Variants in FRMD3 observed in about 807,000 individuals in gnomAD.
FRMD3 encodes FERM domain containing 3.
Under a neutral mutation model 70.2 loss-of-function variants are expected in FRMD3, and 33 were observed. That is an observed-to-expected ratio of 0.47 (90% CI 0.36 to 0.63). The LOEUF is 0.63. FRMD3 is among the 20% of genes least tolerant of loss of function. The pLI is 0.00. For missense variants in FRMD3, 632 were observed against 711.4 expected (o/e 0.89, Z 1.27); for synonymous variants, 279 against 255.9 (o/e 1.09, Z -0.86).
chr9:83,451,831 C>A (rs1340684651), intron 1 of FRMD3, among the ~76,000 whole-genome samples: 1 of 152,154 alleles, frequency 6.6e-6, no homozygotes, highest in Non-Finnish European at 1.5e-5. Flanking sequence ...TATTAATAAT[C>A]TAACAATTTA....
the FRMD3 span, among the ~76,000 whole-genome samples, chr9:83,549,316 G>A: frequency 3.2e-4 from 48 of 152,204 alleles, no homozygotes; most frequent in Non-Finnish European, 6.0e-4. Flanking sequence ...AATATTCCAT[G>A]GTGTGTATGT....
chr9:83,551,256 T>G, the FRMD3 span, among the ~76,000 whole-genome samples: 2 of 152,238 alleles, frequency 1.3e-5, no homozygotes, highest in African/African-American at 2.4e-5. Flanking sequence ...GCTTTAGTTC[T>G]GTTTATGTGA....
chr9:83,366,346 G>A (rs186018013), intron 3 of FRMD3, among the ~76,000 whole-genome samples: 1 of 152,230 alleles, frequency 6.6e-6, no homozygotes, highest in African/African-American at 2.4e-5. Flanking sequence ...TGAGGTGGGA[G>A]GATCACCTGA....
chr9:83,301,145 G>T (rs1564003574), intron 10 of FRMD3, among the ~76,000 whole-genome samples: 1 of 150,148 alleles, frequency 6.7e-6, no homozygotes, highest in Admixed American at 6.6e-5. Flanking sequence ...CCATGGCCCT[G>T]GGGGGGGCCC....
At chr9:83,579,123 G>T in the FRMD3 span, among the ~76,000 whole-genome samples, 1 of 151,744 alleles carries the variant, frequency 6.6e-6, no homozygotes, top group Non-Finnish European at 1.5e-5. Flanking sequence ...AAAGACCTCT[G>T]TACTGGAAAC....
chr9:83,368,826 G>A (rs1241243617), intron 3 of FRMD3, among the ~76,000 whole-genome samples: 1 of 152,028 alleles, frequency 6.6e-6, no homozygotes, highest in Non-Finnish European at 1.5e-5. Context: ...AATTTAAAAT[G>A]TATATATCTT....
chr9:83,272,446 C>T (rs1382287786), intron 13 of FRMD3, among the ~76,000 whole-genome samples: 1 of 151,928 alleles, frequency 6.6e-6, no homozygotes, highest in African/African-American at 2.4e-5. Flanking sequence ...GGCGTGATCC[C>T]CGCTCGCTAC....
chr9:83,243,406 T>C (rs1415341935), downstream of FRMD3, among the ~76,000 whole-genome samples: 2 of 152,206 alleles, frequency 1.3e-5, no homozygotes, highest in East Asian at 3.9e-4. Flanking sequence ...CCAGTACTTT[T>C]TCTCCAGGGT....
At chr9:83,404,902 G>A (rs545469790) in intron 1 of FRMD3, among the ~76,000 whole-genome samples, 2 of 152,056 alleles carry the variant, frequency 1.3e-5, no homozygotes, top group Non-Finnish European at 2.9e-5. Context: ...TCTTTTTCAC[G>A]GCACAGGACA....
intron 1 of FRMD3, among the ~76,000 whole-genome samples, chr9:83,453,222 C>T (rs1827719005): frequency 6.6e-6 from 1 of 152,084 alleles, no homozygotes; most frequent in African/African-American, 2.4e-5. Flanking sequence ...ATCAAAAGGG[C>T]TGAAACACTC....
chr9:83,360,917 T>C (rs568907429), intron 3 of FRMD3, among the ~76,000 whole-genome samples: 28 of 152,356 alleles, frequency 1.8e-4, no homozygotes, highest in African/African-American at 5.3e-4. Context: ...AAACCATTTA[T>C]AGGCTCAAAT....
At chr9:83,556,083 T>C in the FRMD3 span, among the ~76,000 whole-genome samples, 1 of 152,148 alleles carries the variant, frequency 6.6e-6, no homozygotes, top group Admixed American at 6.5e-5. Context: ...TACTTGCCCC[T>C]TCTGTTCCTT....
intron 13 of FRMD3, among the ~76,000 whole-genome samples, chr9:83,267,792 AGT>A (rs1450262414): frequency 6.6e-6 from 1 of 152,218 alleles, no homozygotes; most frequent in African/African-American, 2.4e-5. Flanking sequence ...CTTTGGAATT[AGT>A]GTGTGTTGCA....
intron 1 of FRMD3, among the ~76,000 whole-genome samples, chr9:83,501,228 A>G (rs189082540): frequency 3.9e-5 from 6 of 152,182 alleles, no homozygotes; most frequent in Admixed American, 2.6e-4. Flanking sequence ...CGGGAGGCGG[A>G]GCTTGCAGTG....
chr9:83,352,589 A>G (rs1824197031), intron 3 of FRMD3, among the ~76,000 whole-genome samples: 2 of 152,194 alleles, frequency 1.3e-5, no homozygotes, highest in South Asian at 4.1e-4. Context: ...TCTCCCACGT[A>G]CATGAAGAGT....
intron 10 of FRMD3, among the ~76,000 whole-genome samples, chr9:83,301,454 T>C (rs578197546): frequency 6.6e-6 from 1 of 152,100 alleles, no homozygotes; most frequent in South Asian, 2.1e-4. Flanking sequence ...AAGAAGCTTC[T>C]ATTTTTTATT....
At chr9:83,370,804 T>C (rs1395559274) in intron 3 of FRMD3, among the ~76,000 whole-genome samples, 2 of 152,120 alleles carry the variant, frequency 1.3e-5, no homozygotes, top group Non-Finnish European at 2.9e-5. Flanking sequence ...TCTAGCTATC[T>C]GGGAGGCTGA....
intron 1 of FRMD3, among the ~76,000 whole-genome samples, chr9:83,440,404 G>A (rs1411591727): frequency 6.6e-6 from 1 of 152,152 alleles, no homozygotes; most frequent in African/African-American, 2.4e-5. Context: ...TGGTCCAGTG[G>A]ATCCCTAATT....
intron 1 of FRMD3, among the ~76,000 whole-genome samples, chr9:83,519,650 C>T (rs1333270804): frequency 6.6e-6 from 1 of 152,138 alleles, no homozygotes; most frequent in Admixed American, 6.5e-5. Flanking sequence ...TGGGTATATA[C>T]CCAAAGGATT....
Sources: gnomAD v4.1 joint callset for allele counts (sites outside exome capture counted in the v4.1 genomes callset) on GRCh38, gnomAD v4.1.1 for gene constraint, MANE v1.5 for transcripts, NCBI Gene and HGNC (gene_info 2026-07-23, HGNC 2026-07-21) for gene names.